The following CSF2RA variants were observed in gnomAD, a reference collection of about 807,000 sequenced individuals.
The protein encoded by CSF2RA is colony stimulating factor 2 receptor subunit alpha.
In CSF2RA, 42 loss-of-function variants were observed where a neutral mutation model predicts 51.6. The observed-to-expected ratio is 0.81, with a 90% CI of 0.64 to 1.05. The LOEUF (loss-of-function observed/expected upper bound fraction) is 1.05, where lower values mean the gene tolerates loss of function less well. CSF2RA is among the 50% of genes least tolerant of loss of function. The probability of loss-of-function intolerance (pLI) is 0.00; values close to 1 mark genes in which losing one functional copy is unlikely to be tolerated. For missense variants in CSF2RA, 530 were observed against 501.1 expected (o/e 1.06, Z -0.55); for synonymous variants, 222 against 193.0 (o/e 1.15, Z -1.24).
chrX:1,323,177 A>AAATAAAATAAAATAAAATAAAATAAAAT, the CSF2RA span, among the ~76,000 whole-genome samples: 1 of 151,316 alleles, frequency 6.6e-6, no homozygotes, highest in South Asian at 2.1e-4. Flanking sequence ...AAATAAAATA[A>AAATAAAATAAAATAAAATAAAATAAAAT]AATAAAATAT....
chrX:1,315,993 T>TAAATA, the CSF2RA span, among the ~76,000 whole-genome samples: 1 of 133,838 alleles, frequency 7.5e-6, no homozygotes. Flanking sequence ...AGATGATAGA[T>TAAATA]GGATAGACAG....
intron 4 of CSF2RA, among the ~76,000 whole-genome samples, chrX:1,286,572 A>C (rs2090694792): frequency 7.6e-5 from 1 of 13,112 alleles, no homozygotes; most frequent in Admixed American, 6.4e-4. Context: ...TCTGTCTCCA[A>C]AAAAAAAAAA....
chrX:1,308,716 C>A (rs2083925204), intron 12 of CSF2RA, among the ~76,000 whole-genome samples: 1 of 152,116 alleles, frequency 6.6e-6, no homozygotes, highest in Non-Finnish European at 1.5e-5. Flanking sequence ...CCTCCCCGGC[C>A]CCCGCTTTCC....
intron 7 of CSF2RA, among the ~76,000 whole-genome samples, chrX:1,292,002 G>A (rs1235647845): frequency 8.9e-5 from 13 of 146,438 alleles, no homozygotes; most frequent in Non-Finnish European, 1.7e-4. Flanking sequence ...AGACAAAGAG[G>A]TGTCCCTACT....
intron 9 of CSF2RA, among the ~76,000 whole-genome samples, chrX:1,296,315 G>A (rs1245572871): frequency 6.5e-5 from 8 of 122,588 alleles, no homozygotes; most frequent in Admixed American, 2.6e-4. Context: ...CCCTACTCAC[G>A]ACCCCTACAC....
In CSF2RA at chrX:1,309,694, C is replaced by T. The variant is rs1417021460; in HGVS notation, c.*215C>T. 7 of 1,069,418 alleles carry T rather than the reference C, an allele frequency of 6.5e-6. No individual in the cohort carries two copies. Among genetic ancestry groups the T allele is most frequent in the Non-Finnish European group, 1.0e-5 (7 of 689,194 alleles). The allele number at this position is 1,069,418 out of a possible 1,614,324, so 66.2% of individuals were successfully genotyped here. On this transcript the variant is annotated 3_prime_UTR_variant, in exon 13 of 13. Transcript: ENST00000381529. Reference sequence around the variant, plus strand: ...CTGAGGTCAGGAGTTCAAGACCAGCCTGCCCAACATGGTGAAACCCCATCT... The same window carrying T: ...CTGAGGTCAGGAGTTCAAGACCAGCTTGCCCAACATGGTGAAACCCCATCT...
At position 1,309,686 on chromosome X, in the gene CSF2RA, A is replaced by T. The variant is rs1478754120; in HGVS notation, c.*207A>T. On this transcript the variant is annotated 3_prime_UTR_variant, in exon 13 of 13. Transcript: ENST00000381529. Reference sequence around the variant, plus strand: ...CGGATCACCTGAGGTCAGGAGTTCAAGACCAGCCTGCCCAACATGGTGAAA... The same window carrying T: ...CGGATCACCTGAGGTCAGGAGTTCATGACCAGCCTGCCCAACATGGTGAAA... 1.8e-6 allele frequency: 2 copies of T among 1,134,634 alleles called. No individual in the cohort carries two copies. Among genetic ancestry groups the T allele is most frequent in the Non-Finnish European group, 2.7e-6 (2 of 747,056 alleles). 70.3% of individuals were successfully genotyped at this position (1,134,634 alleles called of 1,614,324 possible).
At chrX:1,287,413 A>G (rs376639928) in intron 4 of CSF2RA, among the ~76,000 whole-genome samples, 64 of 143,314 alleles carry the variant, frequency 4.5e-4, no homozygotes, top group African/African-American at 1.2e-3. Context: ...TGGCCTCCCA[A>G]AGTGCTGGCA....
chrX:1,291,940 A>C (rs2091443202), intron 7 of CSF2RA, among the ~76,000 whole-genome samples: 1 of 111,566 alleles, frequency 9.0e-6, no homozygotes, highest in African/African-American at 2.9e-5. Flanking sequence ...CCTCCACTTT[A>C]CCCAGTGTAG....
Position 1,280,943 on chromosome X carries a change from CCTGCTT to C in CSF2RA, c.-26-1732_-26-1727del, listed in dbSNP as rs1473617072. On this transcript the variant is annotated intron_variant, in intron 2 of 12. Coordinates refer to ENST00000381529, the MANE Select transcript of CSF2RA (RefSeq NM_172245.4). ...TCCTCCTCCTTCTCCTCCTCCTCCT[CCTGCTT>C]CTCCTCCTCCTCCTTCTCCTCCTCC... 3.2e-3 allele frequency among the ~76,000 whole-genome samples: 183 copies of C among 56,986 alleles called. 4 individuals carry two copies. The highest frequency in any genetic ancestry group is 9.0e-3 in the East Asian group (9 of 1,004). 37.4% of individuals were successfully genotyped at this position (56,986 alleles called of 152,430 possible). A position where few individuals can be genotyped will look rare whatever the true frequency, so the allele number is the denominator to read the frequency against.
At chrX:1,274,967 C>T (rs2088971636) in intron 2 of CSF2RA, 149 bp downstream of exon 2, 1 of 400,566 alleles carries the variant, frequency 2.5e-6, no homozygotes, top group Admixed American at 2.9e-5. Flanking sequence ...GAGGAACTGT[C>T]TGACCTATGA....
chrX:1,321,981 C>T, the CSF2RA span, among the ~76,000 whole-genome samples: 1 of 151,940 alleles, frequency 6.6e-6, no homozygotes, highest in Admixed American at 6.6e-5. Flanking sequence ...ACTAAAAATA[C>T]AAAATTACCC....
the CSF2RA span, among the ~76,000 whole-genome samples, chrX:1,320,180 C>T: frequency 1.3e-5 from 2 of 152,056 alleles, no homozygotes; most frequent in African/African-American, 4.8e-5. Context: ...CAGGCATGAG[C>T]CACTGCGCCC....
intron 2 of CSF2RA, among the ~76,000 whole-genome samples, chrX:1,280,947 C>T (rs2089893570): frequency 2.1e-5 from 1 of 47,682 alleles, no homozygotes; most frequent in African/African-American, 6.0e-5. Flanking sequence ...CCTCCTCCTG[C>T]TTCTCCTCCT....
intron 4 of CSF2RA, chrX:1,287,028 G>A (rs2090758741): frequency 2.0e-5 from 3 of 151,938 alleles, no homozygotes; most frequent in Admixed American, 1.3e-4. Flanking sequence ...ATAGATAGGT[G>A]ATAGATGATT....
downstream of CSF2RA, among the ~76,000 whole-genome samples, chrX:1,310,587 G>A (rs1383946719): frequency 4.0e-5 from 6 of 150,204 alleles, no homozygotes; most frequent in Non-Finnish European, 7.4e-5. Context: ...AGAATGGCGT[G>A]AACCCGGGAG....
Position 1,270,377 on chromosome X carries a change from C to G in CSF2RA, c.-91+1498C>G, listed in dbSNP as rs2088216612. ...ATCTCGGCCTCCCGAGTAGCTGGGT[C>G]AAAGGCAAATGCCACCATTCCTGGC... On this transcript the variant is annotated intron_variant, in intron 1 of 12. Transcript: ENST00000381529. 2.0e-5 allele frequency among the ~76,000 whole-genome samples: 3 copies of G among 151,892 alleles called. No individual in the cohort carries two copies. In the Admixed American group the frequency reaches 2.0e-4, roughly 10 times the overall value.
chrX:1,309,161 T>C (rs1291451849), intron 12 of CSF2RA, among the ~76,000 whole-genome samples: 1 of 152,088 alleles, frequency 6.6e-6, no homozygotes, highest in Non-Finnish European at 1.5e-5. Context: ...GGGCCTCATC[T>C]GATCAGTCAA....
rs1380814491 is a variant in CSF2RA at position 1,307,710 on chromosome X, C to CCA, written c.1126-1692_1126-1691insCA. Reference sequence around the variant, plus strand: ...CTGATTAGATGAGGCCCACCCTCCCCTTTATACCTTCGACTGATTAGATGA... The same window carrying CCA: ...CTGATTAGATGAGGCCCACCCTCCCCCATTTATACCTTCGACTGATTAGATGA... On this transcript the variant is annotated intron_variant, in intron 12 of 12. Transcript: ENST00000381529. 1.4e-5 allele frequency among the ~76,000 whole-genome samples: 2 copies of CCA among 145,748 alleles called. 1 individual carries two copies. The highest frequency in any genetic ancestry group is 3.1e-5 in the Non-Finnish European group (2 of 64,654).
Sources: gnomAD v4.1 joint callset for allele counts (sites outside exome capture counted in the v4.1 genomes callset) on GRCh38, gnomAD v4.1.1 for gene constraint, MANE v1.5 for transcripts, NCBI Gene and HGNC (gene_info 2026-07-23, HGNC 2026-07-21) for gene names.